Variants in TLN2 observed in about 807,000 individuals in gnomAD.
TLN2 encodes talin 2.
TLN2 carries 118 observed loss-of-function variants against 294.7 expected under a neutral mutation model. That is an observed-to-expected ratio of 0.40 (90% CI 0.34 to 0.47). The LOEUF is 0.47. Ranked by LOEUF, TLN2 falls within the 20% of genes least tolerant of loss-of-function variation. The probability of loss-of-function intolerance (pLI) is 0.84; values close to 1 mark genes in which losing one functional copy is unlikely to be tolerated. For missense variants in TLN2, 3,083 were observed against 3,282.2 expected (o/e 0.94, Z 1.48); for synonymous variants, 1,431 against 1,304.5 (o/e 1.10, Z -2.09).
chr15:62,795,512 T>C (rs2065412460), intron 46 of TLN2, among the ~76,000 whole-genome samples: 1 of 152,110 alleles, frequency 6.6e-6, no homozygotes, highest in Non-Finnish European at 1.5e-5. Flanking sequence ...CTCGGGGCAC[T>C]GAAATGATGG....
chr15:62,662,985 G>A (rs1596553704), intron 9 of TLN2, among the ~76,000 whole-genome samples: 1 of 151,804 alleles, frequency 6.6e-6, no homozygotes, highest in Middle Eastern at 3.2e-3. Context: ...CACCACGCCC[G>A]GCTAATTTTT....
At chr15:62,664,857 C>CAAAAAAAAAAAAAAAAAAAAAAAAAAA (rs10634187) in intron 9 of TLN2, among the ~76,000 whole-genome samples, 3 of 29,234 alleles carry the variant, frequency 1.0e-4, no homozygotes, top group African/African-American at 3.9e-4. Flanking sequence ...GAAACTGTCT[C>CAAAAAAAAAAAAAAAAAAAAAAAAAAA]AAAAAAAAAA....
intron 54 of TLN2, among the ~76,000 whole-genome samples, chr15:62,827,052 C>T (rs1008911345): frequency 7.2e-5 from 9 of 124,868 alleles, no homozygotes; most frequent in African/African-American, 2.2e-4. Context: ...GTTTTTAGCT[C>T]TCAACAAAGC....
chr15:62,624,987 T>C (rs528375455), intron 3 of TLN2, among the ~76,000 whole-genome samples: 2 of 152,360 alleles, frequency 1.3e-5, no homozygotes, highest in African/African-American at 4.8e-5. Context: ...TCACTTTCTC[T>C]TTTTTAATTT....
intron 1 of TLN2, among the ~76,000 whole-genome samples, chr15:62,550,968 A>T (rs2042262592): frequency 6.6e-6 from 1 of 152,288 alleles, no homozygotes; most frequent in East Asian, 1.9e-4. Context: ...ACTCACCATA[A>T]TGTAGAATCA....
Position 62,557,889 on chromosome 15 carries a change from G to A in TLN2, c.-237-31798G>A, listed in dbSNP as rs571091671. On this transcript the variant is annotated intron_variant, in intron 1 of 58. Coordinates refer to ENST00000636159, the MANE Select transcript of TLN2 (RefSeq NM_015059.3). ...TTCAAATTACTGTGTGTGCCTAAAA[G>A]CCACAAGCCCTAGTACCTTTAAATG... 1.1e-4 allele frequency among the ~76,000 whole-genome samples: 16 copies of A among 152,316 alleles called. No homozygotes were observed. In the South Asian group the frequency reaches 3.3e-3, roughly 32 times the overall value.
chr15:62,752,247 TA>T, intron 34 of TLN2, 57 bp from the exon 35 acceptor site: 1 of 1,598,968 alleles, frequency 6.3e-7, no homozygotes, highest in East Asian at 2.3e-5. Context: ...TAGCCTCCTT[TA>T]CCCCTTGGTT....
intron 1 of TLN2, among the ~76,000 whole-genome samples, chr15:62,510,489 TC>T (rs1595976383): frequency 6.6e-6 from 1 of 152,260 alleles, no homozygotes; most frequent in Non-Finnish European, 1.5e-5. Context: ...AATATATGTA[TC>T]ATATTTAAAT....
intron 28 of TLN2, among the ~76,000 whole-genome samples, chr15:62,727,760 A>C (rs1190491403): frequency 6.6e-6 from 1 of 152,236 alleles, no homozygotes; most frequent in Non-Finnish European, 1.5e-5. Context: ...TTATACAATG[A>C]GGAAATGTTA....
rs368176724 is a variant in TLN2 at position 62,788,226 on chromosome 15, G to A, written c.5736+4336G>A. ...TTCAGGAGGCTGAGGCAGGAGAATC[G>A]CTTGAACCCGGGTGGCGGAGGTTGC... On this transcript the variant is annotated intron_variant, in intron 45 of 58. Transcript: ENST00000636159. Among the ~76,000 whole-genome samples, 14 of 151,828 alleles carry A rather than the reference G, an allele frequency of 9.2e-5. No individual in the cohort carries two copies. In the East Asian group the frequency reaches 2.2e-3, roughly 24 times the overall value.
chr15:62,673,723 G>T, intron 9 of TLN2, 104 bp from the exon 10 acceptor site: 1 of 806,978 alleles, frequency 1.2e-6, no homozygotes, highest in Non-Finnish European at 2.0e-6. Context: ...ATAAAATATT[G>T]GGAGACTTAG....
chr15:62,667,313 G>A (rs1430824764), intron 9 of TLN2, among the ~76,000 whole-genome samples: 2 of 152,116 alleles, frequency 1.3e-5, no homozygotes, highest in African/African-American at 4.8e-5. Context: ...GCTGGTCCTG[G>A]GGCCACACTC....
intron 37 of TLN2, among the ~76,000 whole-genome samples, chr15:62,758,945 T>A (rs1387721868): frequency 4.7e-5 from 1 of 21,330 alleles, no homozygotes; most frequent in African/African-American, 5.8e-5. Context: ...ACCCCCAAAG[T>A]CCATGAATCT....
At chr15:62,807,451 T>A (rs958403721) in intron 51 of TLN2, among the ~76,000 whole-genome samples, 1 of 152,324 alleles carries the variant, frequency 6.6e-6, no homozygotes, top group East Asian at 1.9e-4. Flanking sequence ...CTCTCCTGAT[T>A]TCTCAGCCAG....
chr15:62,780,245 T>C (rs2064042304), intron 43 of TLN2, among the ~76,000 whole-genome samples: 1 of 152,200 alleles, frequency 6.6e-6, no homozygotes, highest in Non-Finnish European at 1.5e-5. Context: ...CCAGTGGTGA[T>C]GGTGAGGATG....
At chr15:62,438,225 C>G (rs2035385170) in intron 1 of TLN2, among the ~76,000 whole-genome samples, 1 of 152,204 alleles carries the variant, frequency 6.6e-6, no homozygotes, top group African/African-American at 2.4e-5. Context: ...TAAGGGAAAA[C>G]AGGGGCACTG....
intron 1 of TLN2, among the ~76,000 whole-genome samples, chr15:62,510,749 C>T (rs1240674455): frequency 1.3e-5 from 2 of 152,218 alleles, no homozygotes; most frequent in Non-Finnish European, 2.9e-5. Context: ...CCTTTCTCTG[C>T]CCTGCCTGCC....
intron 1 of TLN2, among the ~76,000 whole-genome samples, chr15:62,450,406 A>G (rs1366313278): frequency 6.6e-6 from 1 of 152,194 alleles, no homozygotes; most frequent in Non-Finnish European, 1.5e-5. Flanking sequence ...ATGTAAATAC[A>G]TATTCAACAT....
chr15:62,540,064 G>A (rs2041586900), intron 1 of TLN2, among the ~76,000 whole-genome samples: 1 of 152,194 alleles, frequency 6.6e-6, no homozygotes, highest in South Asian at 2.1e-4. Flanking sequence ...AACAGGCTGG[G>A]TACAGTGGCT....
Sources: allele counts gnomAD v4.1 joint callset (sites outside exome capture counted in the v4.1 genomes callset), GRCh38; gene constraint gnomAD v4.1.1; transcripts MANE v1.5; gene names NCBI Gene and HGNC (gene_info 2026-07-23, HGNC 2026-07-21).